Variants in CDNF observed in about 807,000 individuals in gnomAD.
CDNF encodes the protein cerebral dopamine neurotrophic factor, also known as ARMET-like protein 1.
A neutral mutation model predicts 14.8 loss-of-function variants in CDNF; 9 were observed. The observed-to-expected ratio is 0.61, with a 90% CI of 0.37 to 1.06. The LOEUF is 1.06. CDNF is among the 50% of genes least tolerant of loss of function. The probability of loss-of-function intolerance (pLI) is 0.01; values close to 1 mark genes in which losing one functional copy is unlikely to be tolerated. For synonymous variants in CDNF, 86 were observed against 87.2 expected (o/e 0.99, Z 0.07); for missense variants, 228 against 228.4 (o/e 1.00, Z 0.01).
intron 1 of CDNF, among the ~76,000 whole-genome samples, chr10:14,832,828 A>G (rs1442036863): frequency 6.7e-6 from 1 of 150,116 alleles, no homozygotes; most frequent in African/African-American, 2.5e-5. Flanking sequence ...GGTGACAAGC[A>G]GGAATCTAAT....
At position 14,820,042 on chromosome 10, in the gene CDNF, CAT is replaced by C. The variant is rs769017633; in HGVS notation, c.500_501del (p.Tyr167CysfsTer33). ...GGGGCCAGCTCTTGAATGAGATTCA[CAT>C]AGTCAGTTTTTTCTGCACAGGCCCT... ...ECRACAEKTD[Y>X]VNLIQELAPK... On this transcript the variant is annotated frameshift_variant, in exon 4 of 4. Transcript: ENST00000465530. LOFTEE classifies it low-confidence loss of function (END_TRUNC). The C allele has an allele frequency of 1.6e-5, 26 of 1,614,120 alleles. No homozygotes were observed. Among genetic ancestry groups the C allele is most frequent in the Non-Finnish European group, 1.9e-5 (23 of 1,180,028 alleles).
At chr10:14,827,386 A>T (rs1245627364) in intron 2 of CDNF, among the ~76,000 whole-genome samples, 2 of 152,240 alleles carry the variant, frequency 1.3e-5, no homozygotes, top group African/African-American at 2.4e-5. Context: ...GATATAAAAC[A>T]GTATATTGAA....
intron 1 of CDNF, among the ~76,000 whole-genome samples, chr10:14,836,689 T>C (rs1833890786): frequency 6.6e-6 from 1 of 152,178 alleles, no homozygotes; most frequent in Non-Finnish European, 1.5e-5. Context: ...CCCAGCACTT[T>C]GGGAGGCTGA....
intron 1 of CDNF, among the ~76,000 whole-genome samples, chr10:14,829,149 T>G (rs1833823460): frequency 6.6e-6 from 1 of 152,186 alleles, no homozygotes; most frequent in South Asian, 2.1e-4. Flanking sequence ...TGGAACGAAG[T>G]TCTACCTAAA....
chr10:14,828,545 G>T (rs1231429106), intron 1 of CDNF, among the ~76,000 whole-genome samples: 1 of 152,158 alleles, frequency 6.6e-6, no homozygotes, highest in Non-Finnish European at 1.5e-5. Flanking sequence ...TACTCAGGAG[G>T]CTGAGGCAGG....
intron 2 of CDNF, 45 bp from the exon 3 acceptor site, chr10:14,825,665 A>G: frequency 6.3e-7 from 1 of 1,581,572 alleles, no homozygotes; most frequent in Non-Finnish European, 8.7e-7. Context: ...CAATGAAGAC[A>G]TTCAGTATCA....
rs1833814728 is a variant in CDNF at position 14,828,197 on chromosome 10, T to C, written c.191A>G (p.Glu64Gly). The C allele has an allele frequency of 1.9e-6, 3 of 1,613,772 alleles. No individual in the cohort carries two copies. Among genetic ancestry groups the C allele is most frequent in the Non-Finnish European group, 2.5e-6 (3 of 1,179,666 alleles). ...RGVNFSLDTI[E>G]KELISFCLDT... is the part of the protein sequence containing the mutation. Reference sequence around the variant, plus strand: ...CAAGCAAAAACTGATCAATTCTTTCTCTATAGTGTCCAGCGAAAAGTTAAC... The same window carrying C: ...CAAGCAAAAACTGATCAATTCTTTCCCTATAGTGTCCAGCGAAAAGTTAAC... Residue 64 changes from glutamate to glycine, a missense_variant, in exon 2 of 4, where the codon GAG becomes GGG. Physicochemically the swap from Glu to Gly is moderately conservative, Grantham distance 98 (BLOSUM62 -2). Transcript: ENST00000465530.
intron 3 of CDNF, among the ~76,000 whole-genome samples, chr10:14,822,326 A>G (rs1833744372): frequency 6.6e-6 from 1 of 152,254 alleles, no homozygotes; most frequent in Admixed American, 6.5e-5. Context: ...AAAGATTGAA[A>G]AAAAGCCCAA....
chr10:14,828,060 T>G, intron 2 of CDNF, 85 bp downstream of exon 2: 1 of 1,375,870 alleles, frequency 7.3e-7, no homozygotes, highest in Non-Finnish European at 1.0e-6. Context: ...AACATGTAAG[T>G]AGGAGGACTT....
chr10:14,833,854 G>T (rs1320740846), intron 1 of CDNF, among the ~76,000 whole-genome samples: 1 of 152,186 alleles, frequency 6.6e-6, no homozygotes, highest in Non-Finnish European at 1.5e-5. Context: ...AGTGAAGTAG[G>T]ATAAGAACAA....
chr10:14,827,627 T>C (rs1481944817), intron 2 of CDNF, among the ~76,000 whole-genome samples: 1 of 152,166 alleles, frequency 6.6e-6, no homozygotes, highest in African/African-American at 2.4e-5. Flanking sequence ...GCATGGTAGC[T>C]CATTCTTGTA....
In CDNF at chr10:14,838,003, C is replaced by T; in HGVS notation, c.-57G>A. On this transcript the variant is annotated 5_prime_UTR_variant, in exon 1 of 4. Coordinates refer to ENST00000465530, the MANE Select transcript of CDNF (RefSeq NM_001029954.3). Reference sequence around the variant, plus strand: ...CCCGCGCCCACCGCCCACCAAGCTGCCAAAGCGAGCTGAGCAGAATTCGAG... The same window carrying T: ...CCCGCGCCCACCGCCCACCAAGCTGTCAAAGCGAGCTGAGCAGAATTCGAG... The T allele has an allele frequency of 7.7e-7, 1 of 1,306,134 alleles. No homozygotes were observed. The highest frequency in any genetic ancestry group is 1.1e-6 in the Non-Finnish European group (1 of 931,408). The allele number at this position is 1,306,134 out of a possible 1,614,324, so 80.9% of individuals were successfully genotyped here. A position where few individuals can be genotyped will look rare whatever the true frequency, so the allele number is the denominator to read the frequency against.
chr10:14,829,306 G>A (rs890471715), intron 1 of CDNF, among the ~76,000 whole-genome samples: 7 of 152,100 alleles, frequency 4.6e-5, no homozygotes, highest in African/African-American at 7.2e-5. Context: ...TATTTCCATC[G>A]TTATGAGCCT....
chr10:14,831,297 A>C (rs922082152), intron 1 of CDNF, among the ~76,000 whole-genome samples: 1 of 152,054 alleles, frequency 6.6e-6, no homozygotes, highest in Non-Finnish European at 1.5e-5. Flanking sequence ...AGCCAGCTTC[A>C]GTGCTCCCTT....
At chr10:14,830,708 T>C (rs957162587) in intron 1 of CDNF, among the ~76,000 whole-genome samples, 1 of 151,582 alleles carries the variant, frequency 6.6e-6, no homozygotes, top group Non-Finnish European at 1.5e-5. Context: ...TAGCCAGGAG[T>C]GGTGGCAGGT....
rs1833722007 is a variant in CDNF at position 14,819,812 on chromosome 10, T to C, written c.*168A>G. On this transcript the variant is annotated 3_prime_UTR_variant, in exon 4 of 4. Transcript: ENST00000465530. ...CTGCAAATGTAAGTTATCAGTAGTA[T>C]TAGTTTCACTCATAAACCCACGTAA... 8 of 640,092 alleles carry C rather than the reference T, an allele frequency of 1.2e-5. No homozygotes were observed. Among genetic ancestry groups the C allele is most frequent in the South Asian group, 2.2e-5 (1 of 45,594 alleles). 39.7% of individuals were successfully genotyped at this position (640,092 alleles called of 1,614,324 possible).
In CDNF at chr10:14,826,308, A is replaced by AAGTGGAGGAATC. The variant is rs1487465890; in HGVS notation, c.244-689_244-688insGATTCCTCCACT. ...GTAGAAGCAGCAGAAGCAGCAGCAG[A>AAGTGGAGGAATC]AGAAGCAGCAGAAGTGGAGGAATCA... On this transcript the variant is annotated intron_variant, in intron 2 of 3. Coordinates refer to ENST00000465530, the MANE Select transcript of CDNF (RefSeq NM_001029954.3). 2.7e-5 allele frequency among the ~76,000 whole-genome samples: 4 copies of AAGTGGAGGAATC among 147,806 alleles called. No homozygotes were observed. In the South Asian group the frequency reaches 6.2e-4, roughly 23 times the overall value.
intron 1 of CDNF, among the ~76,000 whole-genome samples, chr10:14,836,967 AC>A (rs1293459096): frequency 6.6e-6 from 1 of 152,112 alleles, no homozygotes; most frequent in Non-Finnish European, 1.5e-5. Flanking sequence ...AACAAAACAA[AC>A]AAAAACACAA....
Position 14,837,532 on chromosome 10 carries a change from G to C in CDNF, c.115+300C>G, listed in dbSNP as rs527655768. On this transcript the variant is annotated intron_variant, in intron 1 of 3. Transcript: ENST00000465530. Reference sequence around the variant, plus strand: ...GGTTGGAAGCAGCAGAATCAATCTGGCGCCAGTATCATCTGAATCTAGCAT... The same window carrying C: ...GGTTGGAAGCAGCAGAATCAATCTGCCGCCAGTATCATCTGAATCTAGCAT... 2.0e-5 allele frequency among the ~76,000 whole-genome samples: 3 copies of C among 152,340 alleles called. No homozygotes were observed. The East Asian group carries it at 5.8e-4, about 29-fold the overall frequency.
Sources: gnomAD v4.1 joint callset for allele counts (sites outside exome capture counted in the v4.1 genomes callset) on GRCh38, gnomAD v4.1.1 for gene constraint, MANE v1.5 for transcripts, NCBI Gene and HGNC (gene_info 2026-07-23, HGNC 2026-07-21) for gene names.